Variants in ACTN4 observed in about 807,000 individuals in gnomAD.
ACTN4 encodes actinin alpha 4.
ACTN4 carries 18 observed loss-of-function variants against 114.2 expected under a neutral mutation model. The observed-to-expected ratio is 0.16, with a 90% confidence interval of 0.11 to 0.23. The LOEUF (loss-of-function observed/expected upper bound fraction) is 0.23, where lower values mean the gene tolerates loss of function less well. Ranked by LOEUF, ACTN4 falls within the 10% of genes least tolerant of loss-of-function variation. The probability of loss-of-function intolerance (pLI) is 1.00; values close to 1 mark genes in which losing one functional copy is unlikely to be tolerated. For missense variants in ACTN4, 722 were observed against 1,262.9 expected, an observed-to-expected ratio of 0.57 and a Z score of 6.49; for synonymous variants, 515 against 506.3, an observed-to-expected ratio of 1.02 and a Z score of -0.23.
intron 8 of ACTN4, among the ~76,000 whole-genome samples, chr19:38,713,554 C>A (rs978411773): frequency 2.0e-5 from 3 of 152,194 alleles, no homozygotes; most frequent in South Asian, 4.1e-4. Flanking sequence ...GGGGTGTGCA[C>A]GTGCGTGTGT....
intron 1 of ACTN4, among the ~76,000 whole-genome samples, chr19:38,680,591 T>C (rs1967533719): frequency 6.6e-6 from 1 of 152,186 alleles, no homozygotes; most frequent in Admixed American, 6.5e-5. Flanking sequence ...GTGCAGTACG[T>C]ACTTCAGTCT....
intron 1 of ACTN4, among the ~76,000 whole-genome samples, chr19:38,648,918 G>A (rs1233294725): frequency 6.6e-6 from 1 of 151,856 alleles, no homozygotes; most frequent in Admixed American, 6.6e-5. Context: ...GATAATGGGA[G>A]AGAGGTTCGT....
At position 38,717,109 on chromosome 19, in the gene ACTN4, C is replaced by G. The variant is rs778625571; in HGVS notation, c.936C>G (p.Thr312=). Residue 312 remains threonine (T), a synonymous_variant, in exon 10 of 21, where the codon ACC becomes ACG. Transcript: ENST00000252699. This position sits in a 1 kb window ranked among gnomAD's most constrained non-coding sequence, Gnocchi z 4.0. ...AGCTCCTGGAGTGGATCCGGCGCAC[C>G]ATCCCCTGGCTGGAGGACCGTGTGC... The part of the protein sequence containing the change: ...ASDLLEWIRR[T]IPWLEDRVPQ... The G allele has an allele frequency of 6.2e-7, 1 of 1,613,992 alleles. No individual in the cohort carries two copies. The highest frequency in any genetic ancestry group is 1.1e-5 in the South Asian group (1 of 91,054).
chr19:38,653,639 G>A (rs1405162419), intron 1 of ACTN4, among the ~76,000 whole-genome samples: 4 of 152,130 alleles, frequency 2.6e-5, no homozygotes, highest in African/African-American at 9.7e-5. Flanking sequence ...AATGAACTCC[G>A]TGTTTTCATC....
Position 38,717,974 on chromosome 19 carries a change from C to T in ACTN4, c.1191C>T (p.Tyr397=), listed in dbSNP as rs776733169. The T allele has an allele frequency of 5.0e-6, 8 of 1,608,548 alleles. No homozygotes were observed. In the East Asian group the frequency reaches 6.7e-5, roughly 13 times the overall value. The stretch of plus-strand genomic sequence containing the variant: ...ACTTGGAGCAGGCTGAGAAGGGCTA[C>T]GAGGAGTGGCTGCTGAATGAGATCC... ...WQHLEQAEKG[Y]EEWLLNEIRR... is the part of the protein sequence containing the mutation. Residue 397 remains tyrosine (Y), a synonymous_variant, in exon 11 of 21, where the codon TAC becomes TAT. Transcript: ENST00000252699. This position sits in a 1 kb window ranked among gnomAD's most constrained non-coding sequence, Gnocchi z 4.0.
rs1969372098 is a variant in ACTN4, at chr19:38,729,008, T to C, written c.2431T>C (p.Phe811Leu). Residue 811 changes from phenylalanine (F) to leucine (L), a missense_variant, in exon 20 of 21, where the codon TTC becomes CTC. Coordinates refer to ENST00000252699, the MANE Select transcript of ACTN4 (RefSeq NM_004924.6). ...VENDRQGEAE[F>L]NRIMSLVDPN... ...CCTCTCCTTGCAGGGTGAGGCCGAG[T>C]TCAACCGCATCATGAGCCTGGTCGA... 7 of 1,613,004 alleles carry C rather than the reference T, an allele frequency of 4.3e-6. No individual in the cohort carries two copies. The highest frequency in any genetic ancestry group is 5.9e-6 in the Non-Finnish European group (7 of 1,179,954).
intron 5 of ACTN4, 52 bp from the exon 6 acceptor site, chr19:38,708,065 C>T: frequency 6.3e-7 from 1 of 1,579,434 alleles, no homozygotes; most frequent in Admixed American, 1.7e-5. Flanking sequence ...CCATACGGCA[C>T]TCTCATGACA....
At chr19:38,716,426 T>C (rs1423856467) in intron 9 of ACTN4, among the ~76,000 whole-genome samples, 1 of 152,264 alleles carries the variant, frequency 6.6e-6, no homozygotes, top group Non-Finnish European at 1.5e-5. Context: ...GCTCTCAGCA[T>C]GGAGCTCAGT....
chr19:38,719,705 C>T (rs575829423), intron 11 of ACTN4, among the ~76,000 whole-genome samples: 1 of 152,384 alleles, frequency 6.6e-6, no homozygotes, highest in African/African-American at 2.4e-5. Context: ...CGTCCTTATC[C>T]ATGGAGGCCT....
At chr19:38,694,972 A>T (rs1968046709) in intron 1 of ACTN4, among the ~76,000 whole-genome samples, 1 of 152,134 alleles carries the variant, frequency 6.6e-6, no homozygotes, top group Non-Finnish European at 1.5e-5. Context: ...CCTCTCAGGC[A>T]CAAGCTGTCT....
intron 17 of ACTN4, among the ~76,000 whole-genome samples, chr19:38,726,163 C>G (rs879925876): frequency 6.6e-6 from 1 of 151,960 alleles, no homozygotes; most frequent in African/African-American, 2.4e-5. Flanking sequence ...TGGTGCATGC[C>G]TATAGTCCCA....
intron 1 of ACTN4, among the ~76,000 whole-genome samples, chr19:38,680,776 C>T (rs1418592783): frequency 6.6e-6 from 1 of 152,142 alleles, no homozygotes; most frequent in Admixed American, 6.6e-5. Context: ...CACCTTCCTC[C>T]TTCTCTTTAT....
chr19:38,721,946 A>T (rs1381315739), intron 12 of ACTN4: 2 of 571,764 alleles, frequency 3.5e-6, no homozygotes, highest in Non-Finnish European at 6.3e-6. Context: ...CCTTGTCTTG[A>T]TTCTTCAGGC....
chr19:38,710,227 G>A, intron 7 of ACTN4, 30 bp from the exon 8 acceptor site: 4 of 1,613,398 alleles, frequency 2.5e-6, no homozygotes, highest in Non-Finnish European at 3.4e-6. Flanking sequence ...GCCCTACTCG[G>A]GCAGTTTAAC....
rs1969454120 is a variant in ACTN4 at position 38,730,130 on chromosome 19, C to CAAAAAAAACCA, written c.*706_*707insCCAAAAAAAAA. The stretch of plus-strand genomic sequence containing the variant: ...AAAAAAAACACAAAACAACAAAAAC[C>CAAAAAAAACCA]AAAAAAAAAAAAAATCACAAAAACA... On this transcript the variant is annotated 3_prime_UTR_variant, in exon 21 of 21. Transcript: ENST00000252699. 8.2e-6 allele frequency: 1 copy of CAAAAAAAACCA among 121,546 alleles called. No homozygotes were observed. The highest frequency in any genetic ancestry group is 1.8e-5 in the Non-Finnish European group (1 of 56,274). The allele number at this position is 121,546 out of a possible 1,614,324, so 7.5% of individuals were successfully genotyped here.
chr19:38,673,061 G>C (rs977797471), intron 1 of ACTN4, among the ~76,000 whole-genome samples: 1 of 150,628 alleles, frequency 6.6e-6, no homozygotes, highest in South Asian at 2.1e-4. Flanking sequence ...TTCTGCCTCA[G>C]CTTCCCAATT....
intron 1 of ACTN4, among the ~76,000 whole-genome samples, chr19:38,649,967 G>C (rs182558368): frequency 8.5e-5 from 13 of 152,180 alleles, no homozygotes; most frequent in Non-Finnish European, 1.8e-4. Context: ...GACAGGTTGC[G>C]ATAGTTGGCA....
intron 1 of ACTN4, among the ~76,000 whole-genome samples, chr19:38,669,250 TGCTGG>T (rs533770484): frequency 6.1e-4 from 93 of 152,308 alleles, no homozygotes; most frequent in African/African-American, 2.0e-3. Context: ...CCTCCCAAAG[TGCTGG>T]GATTACAGGC....
intron 4 of ACTN4, 84 bp downstream of exon 4, chr19:38,705,104 A>G: frequency 7.7e-7 from 1 of 1,291,286 alleles, no homozygotes; most frequent in East Asian, 2.3e-5. Context: ...TCATGCTTCA[A>G]GCCTCTTCCT....
Sources: gnomAD v4.1 joint callset for allele counts (sites outside exome capture counted in the v4.1 genomes callset) on GRCh38, gnomAD v4.1.1 for gene constraint, Gnocchi (gnomAD v3.1) non-coding constraint, MANE v1.5 for transcripts, NCBI Gene and HGNC (gene_info 2026-07-23, HGNC 2026-07-21) for gene names.